The following TNS1 variants were observed in gnomAD, a reference collection of about 807,000 sequenced individuals.
TNS1 encodes the protein tensin 1.
In TNS1, 62 loss-of-function variants were observed where a neutral mutation model predicts 168.6. The observed-to-expected ratio is 0.37, with a 90% confidence interval of 0.30 to 0.45. The LOEUF is 0.45. Among genes scored for constraint, TNS1 ranks in the 20% least tolerant of loss-of-function variants. The probability of loss-of-function intolerance (pLI) is 1.00; values close to 1 mark genes in which losing one functional copy is unlikely to be tolerated. For missense variants in TNS1, 2,240 were observed against 2,339.4 expected, an observed-to-expected ratio of 0.96 and a Z score of 0.88; for synonymous variants, 934 against 933.2, an observed-to-expected ratio of 1.00 and a Z score of -0.02.
chr2:217,874,191 T>C (rs921438073), intron 18 of TNS1, among the ~76,000 whole-genome samples: 4 of 152,078 alleles, frequency 2.6e-5, no homozygotes, highest in Non-Finnish European at 2.9e-5. Flanking sequence ...CCAGTGTCAT[T>C]TGGGGGAAGG....
In TNS1 at chr2:217,811,936, G is replaced by A. The variant is rs1227598144; in HGVS notation, c.5032+432C>T. Among the ~76,000 whole-genome samples the A allele has an allele frequency of 3.3e-5, 5 of 152,196 alleles. 1 individual carries two copies. Among genetic ancestry groups the A allele is most frequent in the South Asian group, 4.2e-4 (2 of 4,814 alleles). ...GAAAGTCTGGCGACATTTAGGCACCGCCTTCTCTTTCCTGAGGCTGCTCTC... is the reference window on the plus strand; with the variant it reads ...GAAAGTCTGGCGACATTTAGGCACCACCTTCTCTTTCCTGAGGCTGCTCTC... On this transcript the variant is annotated intron_variant, in intron 28 of 32. Coordinates refer to ENST00000682258, the MANE Select transcript of TNS1 (RefSeq NM_001387777.1).
chr2:218,012,643 C>T (rs533279573), upstream of TNS1, among the ~76,000 whole-genome samples: 5 of 152,192 alleles, frequency 3.3e-5, no homozygotes, highest in African/African-American at 1.2e-4. Context: ...TGGCCCCCCA[C>T]CCCCCATACC....
At chr2:217,892,834 A>T in intron 11 of TNS1, 114 bp downstream of exon 11, 1 of 1,224,610 alleles carries the variant, frequency 8.2e-7, no homozygotes, top group South Asian at 1.4e-5. Flanking sequence ...ATCGCTTCTC[A>T]TTCCCTCTGT....
intron 2 of TNS1, among the ~76,000 whole-genome samples, chr2:217,989,287 C>T (rs1343358578): frequency 6.6e-6 from 1 of 152,114 alleles, no homozygotes; most frequent in Admixed American, 6.5e-5. Flanking sequence ...CATAATTGGG[C>T]TTATGTTTTT....
rs186023665 is a variant in TNS1, at chr2:218,032,408, G to C, written c.156+1412C>G. Among the ~76,000 whole-genome samples the C allele has an allele frequency of 4.9e-4, 75 of 152,270 alleles. 1 individual carries two copies. Among genetic ancestry groups the C allele is most frequent in the Middle Eastern group, 3.4e-3 (1 of 294 alleles). On this transcript the variant is annotated intron_variant, in intron 1 of 1. Coordinates refer to the TNS1 transcript ENST00000649572. The surrounding 1 kb of genome is among the most constrained non-coding windows in gnomAD (Gnocchi z 4.0). ...GATGTGGCCTGGGTAGGAGAGGGCT[G>C]TGCTGAGGGGACAGGAGAATAGCGA...
chr2:217,937,238 C>T (rs1956661326), intron 3 of TNS1: 1 of 355,112 alleles, frequency 2.8e-6, no homozygotes, highest in South Asian at 2.1e-5. Flanking sequence ...CAGCCTCATA[C>T]CCAGCACCTT....
At chr2:217,899,376 T>C (rs1952683552) in intron 7 of TNS1, among the ~76,000 whole-genome samples, 1 of 152,148 alleles carries the variant, frequency 6.6e-6, no homozygotes, top group Non-Finnish European at 1.5e-5. Flanking sequence ...GCCAACTGCC[T>C]ACCCAAGGAC....
chr2:218,026,463 G>A (rs1958850366), intron 1 of TNS1, among the ~76,000 whole-genome samples: 1 of 152,164 alleles, frequency 6.6e-6, no homozygotes, highest in Admixed American at 6.5e-5. Flanking sequence ...GCAGACAGGA[G>A]ACCAGAGGAG....
At chr2:217,808,845 G>A (rs187563475) in intron 30 of TNS1, among the ~76,000 whole-genome samples, 174 bp from the exon 31 acceptor site, 12 of 152,292 alleles carry the variant, frequency 7.9e-5, no homozygotes, top group Middle Eastern at 6.8e-3. Context: ...CCCAAGCAAT[G>A]TACAGAGACA....
Position 217,847,832 on chromosome 2 carries a change from C to A in TNS1, c.2685G>T (p.Gly895=). ...CTGGCTCAGGGGTTCCCAACGAATGCCCACTGGGGATATAGCCAGATCTGG... is the reference window on the plus strand; with the variant it reads ...CTGGCTCAGGGGTTCCCAACGAATGACCACTGGGGATATAGCCAGATCTGG... ...TQSRSGYIPS[G]HSLGTPEPAP... is the part of the protein sequence containing the mutation. Residue 895 remains glycine, a synonymous_variant, in exon 19 of 33, where the codon GGG becomes GGT. Transcript: ENST00000682258. 1 of 1,593,576 alleles carries A rather than the reference C, an allele frequency of 6.3e-7. No individual in the cohort carries two copies. Among genetic ancestry groups the A allele is most frequent in the Non-Finnish European group, 8.6e-7 (1 of 1,163,370 alleles).
At chr2:217,894,234 G>A (rs890050) in intron 9 of TNS1, among the ~76,000 whole-genome samples, 2,820 of 152,242 alleles carry the variant, frequency 0.019, 66 homozygotes, top group Admixed American at 0.062. Context: ...ACTTTCAGAG[G>A]GGCACACTGA....
chr2:217,960,266 C>G (rs1271408904), intron 3 of TNS1, among the ~76,000 whole-genome samples: 1 of 152,160 alleles, frequency 6.6e-6, no homozygotes, highest in Non-Finnish European at 1.5e-5. Flanking sequence ...TTTCATTATC[C>G]CTATCTTACA....
At chr2:218,013,843 GCCAGGGAGGAGGCT>G (rs780031771), upstream of TNS1, among the ~76,000 whole-genome samples, 252 of 152,232 alleles carry the variant, frequency 1.7e-3, no homozygotes, top group Middle Eastern at 3.4e-3. Context: ...CTGAGTGCAG[GCCAGGGAGGAGGCT>G]CCAGAGTCTA....
At chr2:217,816,293 G>A (rs1256488764) in intron 24 of TNS1, among the ~76,000 whole-genome samples, 1 of 152,152 alleles carries the variant, frequency 6.6e-6, no homozygotes, top group Non-Finnish European at 1.5e-5. Context: ...AAAAAGATGA[G>A]GATTCCACAT....
rs1958207705 is a variant in TNS1, at chr2:217,986,862, C to G, written c.148+4080G>C. 6.6e-6 allele frequency: 1 copy of G among 152,228 alleles called. No individual in the cohort carries two copies. Among genetic ancestry groups the G allele is most frequent in the Admixed American group, 6.5e-5 (1 of 15,286 alleles). 9.4% of individuals were successfully genotyped at this position (152,228 alleles called of 1,614,324 possible). On this transcript the variant is annotated intron_variant, in intron 2 of 32. Coordinates refer to ENST00000682258, the MANE Select transcript of TNS1 (RefSeq NM_001387777.1). The surrounding 1 kb of genome is among the most constrained non-coding windows in gnomAD (Gnocchi z 4.7). ...AAGGGGCTGGCTCTCAGCACCAGGA[C>G]CTGGCACAGCATCTGACCCAGAGGA...
In TNS1 at chr2:217,833,125, A is replaced by C. The variant is rs979464128; in HGVS notation, c.3281-1578T>G. 5.9e-5 allele frequency among the ~76,000 whole-genome samples: 9 copies of C among 152,256 alleles called. No homozygotes were observed. In the East Asian group the frequency reaches 1.7e-3, roughly 29 times the overall value. On this transcript the variant is annotated intron_variant, in intron 21 of 32. Transcript: ENST00000682258. Reference sequence around the variant, plus strand: ...GGCCTCAGAGACGGTCATTCATGGAATAACCACGAAGCAGCCCCAGCCCAC... The same window carrying C: ...GGCCTCAGAGACGGTCATTCATGGACTAACCACGAAGCAGCCCCAGCCCAC...
intron 18 of TNS1, among the ~76,000 whole-genome samples, chr2:217,867,248 A>G (rs140359529): frequency 6.6e-6 from 1 of 152,190 alleles, no homozygotes; most frequent in East Asian, 1.9e-4. Context: ...CAATTAATAC[A>G]GTCCTTATGA....
chr2:217,989,082 C>G (rs937328186), intron 2 of TNS1, among the ~76,000 whole-genome samples: 1 of 152,180 alleles, frequency 6.6e-6, no homozygotes, highest in Non-Finnish European at 1.5e-5. Flanking sequence ...GCCTGCTTGG[C>G]ATATTTGACA....
At chr2:217,809,457 A>G (rs373573158) in intron 30 of TNS1, among the ~76,000 whole-genome samples, 4 of 28,302 alleles carry the variant, frequency 1.4e-4, no homozygotes, top group Admixed American at 7.6e-4. Context: ...GGATGGATGG[A>G]TGCATGGATG....
Sources: gnomAD v4.1 joint callset for allele counts (sites outside exome capture counted in the v4.1 genomes callset) on GRCh38, gnomAD v4.1.1 for gene constraint, Gnocchi (gnomAD v3.1) non-coding constraint, MANE v1.5 for transcripts, NCBI Gene and HGNC (gene_info 2026-07-23, HGNC 2026-07-21) for gene names.